SYNPO2: variants seen among roughly 807,000 people sequenced by gnomAD.
SYNPO2 encodes synaptopodin 2.
SYNPO2 carries 56 observed loss-of-function variants against 85.0 expected under a neutral mutation model. The ratio of observed to expected loss-of-function variants is 0.66; its 90% CI spans 0.53 to 0.82. SYNPO2 has a LOEUF of 0.82. Ranked by LOEUF, SYNPO2 falls within the 40% of genes least tolerant of loss-of-function variation. The probability of loss-of-function intolerance (pLI) is 0.00; values close to 1 mark genes in which losing one functional copy is unlikely to be tolerated. For synonymous variants in SYNPO2, 602 were observed against 591.1 expected (o/e 1.02, Z -0.27); for missense variants, 1,575 against 1,534.2 (o/e 1.03, Z -0.44).
chr4:118,939,998 T>C (rs1734248314), intron 1 of SYNPO2, among the ~76,000 whole-genome samples: 1 of 150,306 alleles, frequency 6.7e-6, no homozygotes, highest in Non-Finnish European at 1.5e-5. Flanking sequence ...TTTTTTTGTT[T>C]TTTTTTGAGA....
chr4:119,004,944 T>G (rs1206431528), intron 1 of SYNPO2, among the ~76,000 whole-genome samples: 2 of 151,940 alleles, frequency 1.3e-5, no homozygotes, highest in African/African-American at 4.8e-5. Flanking sequence ...TGGTATCTCA[T>G]TGTGGTTTTG....
rs375990056 is a variant in SYNPO2 at position 118,975,829 on chromosome 4, T to C, written c.106-47601T>C. Among the ~76,000 whole-genome samples, 7 of 152,324 alleles carry C rather than the reference T, an allele frequency of 4.6e-5. No individual in the cohort carries two copies. In the East Asian group the frequency reaches 1.2e-3, roughly 25 times the overall value. On this transcript the variant is annotated intron_variant, in intron 1 of 4. Coordinates refer to ENST00000307142, the MANE Select transcript of SYNPO2 (RefSeq NM_133477.3). The stretch of plus-strand genomic sequence containing the variant: ...CCACAGCCTGAGAGGGAATCTACCA[T>C]AGTAAATGCCTTTGAACTTGAATTT...
intron 1 of SYNPO2, among the ~76,000 whole-genome samples, chr4:118,879,640 C>A (rs915945968): frequency 2.0e-5 from 3 of 152,104 alleles, no homozygotes; most frequent in Non-Finnish European, 4.4e-5. Context: ...TTTAAATCGC[C>A]CAGCGTATGA....
At chr4:118,998,880 C>CTGTTTT (rs148233728) in intron 1 of SYNPO2, among the ~76,000 whole-genome samples, 4 of 151,828 alleles carry the variant, frequency 2.6e-5, no homozygotes, top group Non-Finnish European at 5.9e-5. Flanking sequence ...CTCTCTTACT[C>CTGTTTT]TGTTTTTGTT....
chr4:118,901,101 A>G (rs946122719), intron 1 of SYNPO2, among the ~76,000 whole-genome samples: 1 of 152,050 alleles, frequency 6.6e-6, no homozygotes, highest in Non-Finnish European at 1.5e-5. Context: ...TTTTCTTTGC[A>G]TCTTCAACAG....
intron 1 of SYNPO2, among the ~76,000 whole-genome samples, chr4:118,943,139 GA>G (rs1734375714): frequency 6.6e-6 from 1 of 151,302 alleles, no homozygotes; most frequent in African/African-American, 2.4e-5. Context: ...TGTTGAGGTT[GA>G]AAAAAAACTT....
At chr4:118,859,210 C>A (rs958463188) in intron 1 of SYNPO2, among the ~76,000 whole-genome samples, 3 of 152,032 alleles carry the variant, frequency 2.0e-5, no homozygotes, top group African/African-American at 7.2e-5. Context: ...AAAGTAAGCT[C>A]AAAAATGTTC....
chr4:119,031,878 T>A lies in SYNPO2; in HGVS notation c.3103T>A (p.Ser1035Thr), dbSNP rs572380117. 2.5e-5 allele frequency: 40 copies of A among 1,614,168 alleles called. 1 individual carries two copies. In the South Asian group the frequency reaches 4.2e-4, roughly 17 times the overall value. The change falls in exon 4 of 5, where the codon TCC becomes ACC. Residue 1035 changes from serine (S) to threonine (T), a missense_variant. Ser to Thr is a moderately conservative substitution (Grantham distance 58). This residue lies in a region of SYNPO2 where 1,508 missense variants were observed against 1,446.8 expected (regional missense o/e 1.04). Transcript: ENST00000307142. The stretch of plus-strand genomic sequence containing the variant: ...GGTACCAGCCTATACCTCTCCTCCT[T>A]CCTTCTTTGCAGAGGCCTCCTCACC... ...YSVPAYTSPP[S>T]FFAEASSPVS...
intron 4 of SYNPO2, chr4:119,042,634 CT>C (rs1324988725): frequency 6.6e-6 from 1 of 152,198 alleles, no homozygotes; most frequent in Non-Finnish European, 1.5e-5. Flanking sequence ...AGTTCATGCA[CT>C]TTATGCATCA....
chr4:118,958,575 C>A (rs1578585155), intron 1 of SYNPO2, among the ~76,000 whole-genome samples: 1 of 151,970 alleles, frequency 6.6e-6, no homozygotes, highest in Non-Finnish European at 1.5e-5. Flanking sequence ...GGGTCAAAAG[C>A]ACAACACTGC....
At chr4:118,917,776 A>G (rs1458658066) in intron 1 of SYNPO2, among the ~76,000 whole-genome samples, 2 of 152,210 alleles carry the variant, frequency 1.3e-5, no homozygotes, top group Non-Finnish European at 2.9e-5. Context: ...GCTTTTGAAA[A>G]GAGATTTTTT....
intron 1 of SYNPO2, among the ~76,000 whole-genome samples, chr4:118,913,987 C>T (rs959982871): frequency 5.9e-5 from 9 of 151,992 alleles, no homozygotes; most frequent in Admixed American, 1.3e-4. Flanking sequence ...GATTACCATA[C>T]GCCATGTGAG....
upstream of SYNPO2, among the ~76,000 whole-genome samples, chr4:118,885,481 T>TTTTTTC (rs1553935239): frequency 1.3e-5 from 2 of 151,436 alleles, no homozygotes; most frequent in Admixed American, 6.6e-5. Context: ...TTTTTTTTTT[T>TTTTTTC]TTTCTTTCTC....
At chr4:118,869,373 G>A (rs1731760648) in intron 1 of SYNPO2, among the ~76,000 whole-genome samples, 1 of 152,128 alleles carries the variant, frequency 6.6e-6, no homozygotes, top group Non-Finnish European at 1.5e-5. Context: ...TGTTAGAAGT[G>A]TAAGAATTAT....
chr4:119,012,379 T>C (rs796115110), intron 1 of SYNPO2, among the ~76,000 whole-genome samples: 28 of 121,780 alleles, frequency 2.3e-4, no homozygotes, highest in African/African-American at 7.1e-4. Flanking sequence ...CCTTTTCTTT[T>C]TTTTTTTTTT....
At chr4:119,025,420 C>T (rs1444076312) in intron 2 of SYNPO2, among the ~76,000 whole-genome samples, 1 of 152,138 alleles carries the variant, frequency 6.6e-6, no homozygotes, top group Non-Finnish European at 1.5e-5. Context: ...TACAGGGAAG[C>T]TTTTCCAATT....
At chr4:119,037,127 G>A in intron 4 of SYNPO2, 1 of 1,539,634 alleles carries the variant, frequency 6.5e-7, no homozygotes, top group African/African-American at 1.4e-5. Flanking sequence ...ATGTAAATCT[G>A]GGATCCATAG....
intron 1 of SYNPO2, among the ~76,000 whole-genome samples, chr4:118,879,779 A>T (rs1292342250): frequency 6.6e-6 from 1 of 152,140 alleles, no homozygotes. Context: ...CTTGGCCAGC[A>T]GTCAGGTACG....
Position 118,971,970 on chromosome 4 carries a change from G to A in SYNPO2, c.106-51460G>A, listed in dbSNP as rs55984424. Among the ~76,000 whole-genome samples the A allele has an allele frequency of 4.3e-3, 648 of 152,278 alleles. 4 individuals carry two copies. Among genetic ancestry groups the A allele is most frequent in the Non-Finnish European group, 6.9e-3 (466 of 68,028 alleles). Reference sequence around the variant, plus strand: ...TCTACAGGGATAGACCTCATAGTGTGGTCCCAGTGAGCGTCATAGTACTCT... The same window carrying A: ...TCTACAGGGATAGACCTCATAGTGTAGTCCCAGTGAGCGTCATAGTACTCT... On this transcript the variant is annotated intron_variant, in intron 1 of 4. Coordinates refer to ENST00000307142, the MANE Select transcript of SYNPO2 (RefSeq NM_133477.3).
Sources: allele counts gnomAD v4.1 joint callset (sites outside exome capture counted in the v4.1 genomes callset), GRCh38; gene constraint gnomAD v4.1.1; regional missense constraint gnomAD v4.1.1; transcripts MANE v1.5; gene names NCBI Gene and HGNC (gene_info 2026-07-23, HGNC 2026-07-21).